TOPBP1: variants seen among roughly 807,000 people sequenced by gnomAD.
TOPBP1 encodes DNA topoisomerase II binding protein 1.
A neutral mutation model predicts 167.7 loss-of-function variants in TOPBP1; 28 were observed. The ratio of observed to expected loss-of-function variants is 0.17; its 90% CI spans 0.12 to 0.23. The LOEUF (loss-of-function observed/expected upper bound fraction) is 0.23, where lower values mean the gene tolerates loss of function less well. Ranked by LOEUF, TOPBP1 falls within the 10% of genes least tolerant of loss-of-function variation. TOPBP1 has a pLI of 1.00. For synonymous variants in TOPBP1, 598 were observed against 611.4 expected (o/e 0.98, Z 0.32); for missense variants, 1,554 against 1,809.6 (o/e 0.86, Z 2.56).
At chr3:133,610,461 T>C (rs1027366911) in intron 25 of TOPBP1, among the ~76,000 whole-genome samples, 26 of 152,046 alleles carry the variant, frequency 1.7e-4, no homozygotes, top group Non-Finnish European at 2.9e-4. Flanking sequence ...ACTAAAGTAC[T>C]GATGAACACA....
At chr3:133,653,597 T>C in intron 6 of TOPBP1, 73 bp from the exon 7 acceptor site, 2 of 1,282,626 alleles carry the variant, frequency 1.6e-6, no homozygotes, top group Non-Finnish European at 2.1e-6. Context: ...CAATCTATCT[T>C]TGCAGAAATA....
chr3:133,642,049 G>A (rs1443022396), intron 12 of TOPBP1, among the ~76,000 whole-genome samples: 2 of 152,018 alleles, frequency 1.3e-5, no homozygotes, highest in Non-Finnish European at 2.9e-5. Flanking sequence ...GAGTATAGTT[G>A]TGTGATCATA....
At chr3:133,660,975 C>A in intron 2 of TOPBP1, 69 bp downstream of exon 2, 3 of 1,145,100 alleles carry the variant, frequency 2.6e-6, no homozygotes, top group South Asian at 1.6e-5. Flanking sequence ...AGACATAAAG[C>A]CCAACAAATC....
rs1357617106 is a variant in TOPBP1, at chr3:133,612,369, C to G, written c.4035+20G>C. ...CTTGCTTTTAAAGAAAAATAAACTT[C>G]CACAAATCTGAATACACACCTGCAC... On this transcript the variant is annotated intron_variant, in intron 24 of 27. Coordinates refer to ENST00000260810, the MANE Select transcript of TOPBP1 (RefSeq NM_007027.4). 1 of 1,612,440 alleles carries G rather than the reference C, an allele frequency of 6.2e-7. No individual in the cohort carries two copies. Among genetic ancestry groups the G allele is most frequent in the Non-Finnish European group, 8.5e-7 (1 of 1,179,044 alleles).
chr3:133,601,421 TA>T, intron 27 of TOPBP1, 28 bp from the exon 28 acceptor site: 10 of 1,420,420 alleles, frequency 7.0e-6, no homozygotes, highest in Non-Finnish European at 9.3e-6. Context: ...AGTGATTTTT[TA>T]AAATGATTTC....
chr3:133,605,201 A>G lies in TOPBP1; in HGVS notation c.4425+3334T>C, dbSNP rs558577519. Among the ~76,000 whole-genome samples the G allele has an allele frequency of 3.3e-5, 5 of 150,674 alleles. No homozygotes were observed. The South Asian group carries it at 1.0e-3, about 31-fold the overall frequency. ...GCAACAGAGCCAGACCGTGTCTCAAAAAAAAAAAAAAGAAAACTCCAGACC... is the reference window on the plus strand; with the variant it reads ...GCAACAGAGCCAGACCGTGTCTCAAGAAAAAAAAAAAGAAAACTCCAGACC... On this transcript the variant is annotated intron_variant, in intron 27 of 27. Transcript: ENST00000260810.
chr3:133,635,442 A>T (rs1333427804), intron 14 of TOPBP1, among the ~76,000 whole-genome samples: 1 of 151,958 alleles, frequency 6.6e-6, no homozygotes, highest in Admixed American at 6.6e-5. Context: ...TTTGTTAGAG[A>T]TGGCGGTCTC....
At chr3:133,650,650 A>T (rs1029833654) in intron 8 of TOPBP1, among the ~76,000 whole-genome samples, 3 of 152,212 alleles carry the variant, frequency 2.0e-5, no homozygotes, top group Admixed American at 6.5e-5. Context: ...CCTTAAAAAA[A>T]TTTAAGTATG....
At chr3:133,609,392 TAA>T (rs1934600574) in intron 25 of TOPBP1, among the ~76,000 whole-genome samples, 1 of 152,166 alleles carries the variant, frequency 6.6e-6, no homozygotes, top group African/African-American at 2.4e-5. Flanking sequence ...GGAATTACTC[TAA>T]AAGAGAGGGT....
At position 133,658,996 on chromosome 3, in the gene TOPBP1, C is replaced by T. The variant is rs774499914; in HGVS notation, c.219+20G>A. 1.3e-5 allele frequency: 20 copies of T among 1,577,954 alleles called. No homozygotes were observed. The South Asian group carries it at 1.9e-4, about 15-fold the overall frequency. On this transcript the variant is annotated intron_variant, in intron 3 of 27. Coordinates refer to ENST00000260810, the MANE Select transcript of TOPBP1 (RefSeq NM_007027.4). ...ACCAAAAAATAGACTACCAAAGGTACACACTAGAAGTCAGCAAACCTTTTT... is the reference window on the plus strand; with the variant it reads ...ACCAAAAAATAGACTACCAAAGGTATACACTAGAAGTCAGCAAACCTTTTT...
rs768391051 is a variant in TOPBP1 at position 133,620,239 on chromosome 3, C to T, written c.3287G>A (p.Arg1096Lys). Residue 1096 changes from arginine to lysine, a missense_variant, in exon 20 of 28, where the codon AGA becomes AAA. Arg to Lys is a conservative substitution (Grantham distance 26, BLOSUM62 2). Coordinates refer to ENST00000260810, the MANE Select transcript of TOPBP1 (RefSeq NM_007027.4). The stretch of plus-strand genomic sequence containing the variant: ...TGAAGATGCGCTGTTACAACCACTT[C>T]TTGAAAGGGAAGTCCTCTGCCCTTG... ...KPQGQRTSLS[R>K]SGCNSASSTP... is the part of the protein sequence containing the mutation. The T allele has an allele frequency of 3.1e-6, 5 of 1,613,882 alleles. No homozygotes were observed. Among genetic ancestry groups the T allele is most frequent in the Non-Finnish European group, 4.2e-6 (5 of 1,179,910 alleles).
chr3:133,641,365 A>G (rs759881175), intron 12 of TOPBP1, among the ~76,000 whole-genome samples: 1 of 152,088 alleles, frequency 6.6e-6, no homozygotes, highest in Non-Finnish European at 1.5e-5. Context: ...CAAAATATAT[A>G]TTTGTTTGTT....
intron 10 of TOPBP1, among the ~76,000 whole-genome samples, 168 bp from the exon 11 acceptor site, chr3:133,644,531 C>T (rs1043531730): frequency 6.6e-6 from 1 of 152,168 alleles, no homozygotes; most frequent in African/African-American, 2.4e-5. Flanking sequence ...TTCGGGGTTA[C>T]CAAGAGTCCT....
intron 10 of TOPBP1, among the ~76,000 whole-genome samples, chr3:133,648,101 G>T (rs1033463627): frequency 6.6e-6 from 1 of 152,120 alleles, no homozygotes; most frequent in East Asian, 1.9e-4. Context: ...AACAGCCAGA[G>T]GATAAAGACA....
chr3:133,624,095 T>G lies in TOPBP1; in HGVS notation c.2885A>C (p.Lys962Thr). The change falls in exon 17 of 28, where the codon AAA (lysine) becomes ACA (threonine). Residue 962 changes from lysine to threonine, a missense_variant. Coordinates refer to ENST00000260810, the MANE Select transcript of TOPBP1 (RefSeq NM_007027.4). The stretch of plus-strand genomic sequence containing the variant: ...GGAAACAATGTGTACTCCTCTTTCT[T>G]TTACAGATTTATACTCCCGATTAGT... ...NDTNREYKSV[K>T]ERGVHIVSEH... 6.2e-7 allele frequency: 1 copy of G among 1,613,844 alleles called. No homozygotes were observed. Among genetic ancestry groups the G allele is most frequent in the Non-Finnish European group, 8.5e-7 (1 of 1,179,818 alleles).
chr3:133,626,616 G>GT (rs1234025121), intron 16 of TOPBP1, among the ~76,000 whole-genome samples: 9 of 152,168 alleles, frequency 5.9e-5, no homozygotes, highest in African/African-American at 2.2e-4. Context: ...GCTACTCATG[G>GT]TATCTGAGTC....
intron 10 of TOPBP1, among the ~76,000 whole-genome samples, chr3:133,648,293 T>C (rs1936150764): frequency 6.6e-6 from 1 of 152,072 alleles, no homozygotes; most frequent in Admixed American, 6.5e-5. Flanking sequence ...AGAAAGAAAA[T>C]GATTCCAAAA....
At chr3:133,641,013 T>C (rs2107811088) in intron 12 of TOPBP1, among the ~76,000 whole-genome samples, 1 of 152,338 alleles carries the variant, frequency 6.6e-6, no homozygotes. Context: ...ATTTCTTTTA[T>C]GACTTCTGGG....
At chr3:133,607,086 C>T (rs62282392) in intron 27 of TOPBP1, among the ~76,000 whole-genome samples, 21,327 of 152,068 alleles carry the variant, frequency 0.14, 1,840 homozygotes, top group Non-Finnish European at 0.2. Flanking sequence ...CAAATGACTG[C>T]CAACACTAAA....
Sources: allele counts gnomAD v4.1 joint callset (sites outside exome capture counted in the v4.1 genomes callset), GRCh38; gene constraint gnomAD v4.1.1; transcripts MANE v1.5; gene names NCBI Gene and HGNC (gene_info 2026-07-23, HGNC 2026-07-21).